The following DENND4C variants were observed in gnomAD, a reference collection of about 807,000 sequenced individuals.
The protein encoded by DENND4C is DENN domain-containing protein 4C.
In DENND4C, 108 loss-of-function variants were observed where a neutral mutation model predicts 203.0. The observed-to-expected ratio is 0.53, with a 90% CI of 0.46 to 0.62. DENND4C has a LOEUF of 0.62. Among genes scored for constraint, DENND4C ranks in the 20% least tolerant of loss-of-function variants. The pLI is 0.00. For synonymous variants in DENND4C, 871 were observed against 792.4 expected (o/e 1.10, Z -1.67); for missense variants, 2,481 against 2,301.2 (o/e 1.08, Z -1.60).
chr9:19,353,867 C>G (rs576750416), intron 26 of DENND4C, among the ~76,000 whole-genome samples: 1 of 152,002 alleles, frequency 6.6e-6, no homozygotes, highest in Non-Finnish European at 1.5e-5. Context: ...ACCCAGGAGG[C>G]GAAGGTTGCA....
intron 9 of DENND4C, among the ~76,000 whole-genome samples, chr9:19,303,880 A>G (rs543756660): frequency 3.3e-5 from 5 of 151,758 alleles, no homozygotes; most frequent in Admixed American, 1.3e-4. Context: ...TTATTCATTT[A>G]TTTAATTTTT....
chr9:19,266,170 C>A (rs199955834), intron 1 of DENND4C, among the ~76,000 whole-genome samples: 1 of 152,008 alleles, frequency 6.6e-6, no homozygotes, highest in African/African-American at 2.4e-5. Context: ...AGATGGTATC[C>A]CATTGTGGTT....
At chr9:19,294,859 T>A (rs1837101280) in intron 5 of DENND4C, among the ~76,000 whole-genome samples, 1 of 152,126 alleles carries the variant, frequency 6.6e-6, no homozygotes, top group African/African-American at 2.4e-5. Context: ...AGATAGAAAG[T>A]ACAATAGAGA....
intron 2 of DENND4C, among the ~76,000 whole-genome samples, chr9:19,277,480 G>A (rs947607459): frequency 6.6e-6 from 1 of 152,168 alleles, no homozygotes; most frequent in African/African-American, 2.4e-5. Context: ...TGTTGCTGGT[G>A]TATAGAAATA....
At chr9:19,336,958 A>G (rs1820610972) in intron 20 of DENND4C, 126 bp downstream of exon 20, 1 of 913,648 alleles carries the variant, frequency 1.1e-6, no homozygotes, top group South Asian at 1.9e-5. Context: ...TATGCTTACA[A>G]GAGAAACAAT....
intron 6 of DENND4C, among the ~76,000 whole-genome samples, chr9:19,296,537 T>C (rs1482673637): frequency 1.3e-5 from 2 of 152,026 alleles, no homozygotes; most frequent in Non-Finnish European, 1.5e-5. Flanking sequence ...CTAATTTTTG[T>C]AGAGACAAGG....
chr9:19,245,911 C>G (rs1006884833), intron 1 of DENND4C, among the ~76,000 whole-genome samples: 2 of 151,638 alleles, frequency 1.3e-5, no homozygotes, highest in Non-Finnish European at 2.9e-5. Context: ...TCCTTTTCTA[C>G]TAACTCACAT....
At position 19,373,786 on chromosome 9, in the gene DENND4C, A is replaced by AATGAG. The variant is rs2132400313; in HGVS notation, c.*1614_*1615insTGAGA. The stretch of plus-strand genomic sequence containing the variant: ...GATGACTAAATGAGTTGACACAGTA[A>AATGAG]AATTACTTCCATATGGTACAGTAAC... On this transcript the variant is annotated 3_prime_UTR_variant, in exon 33 of 33. Coordinates refer to ENST00000434457, the MANE Select transcript of DENND4C (RefSeq NM_001330640.2). Among the ~76,000 whole-genome samples, 1 of 152,298 alleles carries AATGAG rather than the reference A, an allele frequency of 6.6e-6. No individual in the cohort carries two copies. Among genetic ancestry groups the AATGAG allele is most frequent in the South Asian group, 2.1e-4 (1 of 4,830 alleles).
chr9:19,273,937 C>A (rs555942772), intron 1 of DENND4C, among the ~76,000 whole-genome samples: 1 of 151,948 alleles, frequency 6.6e-6, no homozygotes, highest in Non-Finnish European at 1.5e-5. Flanking sequence ...AGCATTATGT[C>A]CATAAGATTT....
chr9:19,357,733 A>G (rs1825708334), intron 27 of DENND4C: 1 of 397,604 alleles, frequency 2.5e-6, no homozygotes, highest in Non-Finnish European at 4.5e-6. Context: ...TAATACCTGT[A>G]TATCTACAAT....
intron 2 of DENND4C, among the ~76,000 whole-genome samples, chr9:19,278,502 C>A (rs1183423944): frequency 1.3e-5 from 2 of 152,068 alleles, no homozygotes; most frequent in African/African-American, 4.8e-5. Flanking sequence ...CGCTCATCAC[C>A]CACTCTTGTT....
At chr9:19,339,209 G>C (rs1182313612) in intron 20 of DENND4C, among the ~76,000 whole-genome samples, 1 of 152,002 alleles carries the variant, frequency 6.6e-6, no homozygotes, top group African/African-American at 2.4e-5. Context: ...TATTTCAGTG[G>C]CATTTTCTCT....
intron 29 of DENND4C, among the ~76,000 whole-genome samples, chr9:19,360,807 T>C (rs767598984): frequency 3.3e-5 from 5 of 152,206 alleles, no homozygotes; most frequent in Non-Finnish European, 7.3e-5. Flanking sequence ...GTCTTTTTTC[T>C]TAAGGGATAG....
chr9:19,327,893 A>G (rs371774444), intron 15 of DENND4C, 137 bp from the exon 16 acceptor site: 2 of 862,246 alleles, frequency 2.3e-6, no homozygotes, highest in Non-Finnish European at 3.3e-6. Context: ...AAATTTTGAA[A>G]AAGTATTTTT....
intron 30 of DENND4C, among the ~76,000 whole-genome samples, chr9:19,367,788 C>A (rs530468526): frequency 6.6e-6 from 1 of 152,204 alleles, no homozygotes; most frequent in East Asian, 1.9e-4. Context: ...TATGGTATAT[C>A]CATACAATGG....
chr9:19,280,209 G>A (rs929569340), intron 2 of DENND4C, among the ~76,000 whole-genome samples: 3 of 151,848 alleles, frequency 2.0e-5, no homozygotes, highest in Non-Finnish European at 4.4e-5. Context: ...GAGTGCAGTG[G>A]TGCGATCTCG....
chr9:19,368,593 T>C (rs1201224461), intron 30 of DENND4C, among the ~76,000 whole-genome samples: 2 of 152,098 alleles, frequency 1.3e-5, no homozygotes, highest in East Asian at 3.9e-4. Context: ...GACCAGGAGT[T>C]TGAGACTAGG....
chr9:19,360,587 G>C, intron 29 of DENND4C, 98 bp downstream of exon 29: 1 of 1,464,814 alleles, frequency 6.8e-7, no homozygotes, highest in Non-Finnish European at 9.3e-7. Context: ...TAACAAGACA[G>C]ATTTATTTCT....
rs1825584609 is a variant in DENND4C, at chr9:19,357,015, G to A, written c.4825G>A (p.Gly1609Arg). 1 of 1,613,768 alleles carries A rather than the reference G, an allele frequency of 6.2e-7. No homozygotes were observed. The highest frequency in any genetic ancestry group is 1.7e-5 in the Admixed American group (1 of 59,986). Residue 1609 changes from glycine to arginine, a missense_variant, in exon 27 of 33, where the codon GGA becomes AGA. Physicochemically the swap from Gly to Arg is moderately radical, Grantham distance 125. Transcript: ENST00000434457. ...PSTSGDSLQS[G>R]SIPLANESLE... ...TACCTCTGGTGACAGTTTACAAAGT[G>A]GAAGCATTCCATTGGCAAATGAATC...
Sources: gnomAD v4.1 joint callset for allele counts (sites outside exome capture counted in the v4.1 genomes callset) on GRCh38, gnomAD v4.1.1 for gene constraint, MANE v1.5 for transcripts, NCBI Gene and HGNC (gene_info 2026-07-23, HGNC 2026-07-21) for gene names.